MAGEA4: variants seen among roughly 807,000 people sequenced by gnomAD.
MAGEA4 encodes MAGE family member A4.
Under a neutral mutation model 13.7 loss-of-function variants are expected in MAGEA4, and 1 was observed. The observed-to-expected ratio is 0.07, with a 90% CI of 0.03 to 0.35. The LOEUF is 0.35. Ranked by LOEUF, MAGEA4 falls within the 10% of genes least tolerant of loss-of-function variation. MAGEA4 has a pLI of 0.99. For synonymous variants in MAGEA4, 132 were observed against 101.1 expected (o/e 1.31, Z -1.83); for missense variants, 312 against 245.1 (o/e 1.27, Z -1.82).
rs971803953 is a variant in MAGEA4 at position 151,920,029 on chromosome X, C to T, written c.-137-3424C>T. Among the ~76,000 whole-genome samples the T allele has an allele frequency of 3.1e-5, 3 of 96,360 alleles. No homozygotes were observed. In the South Asian group the frequency reaches 1.7e-3, roughly 56 times the overall value. The allele number at this position is 96,360 out of a possible 115,157, so 83.7% of individuals were successfully genotyped here. ...CCATCCACACTCCCAACCCCATCTA[C>T]ACCCTATCCCCCACCAGCACCCCTA... On this transcript the variant is annotated intron_variant, in intron 1 of 2. Transcript: ENST00000276344.
At chrX:151,917,989 C>A (rs1185066022) in intron 1 of MAGEA4, among the ~76,000 whole-genome samples, 2 of 81,556 alleles carry the variant, frequency 2.5e-5, no homozygotes, top group African/African-American at 4.7e-5. Flanking sequence ...ACTCCTAAAC[C>A]CATCCCCGCC....
chrX:151,919,589 C>A, intron 1 of MAGEA4: 1 of 726,124 alleles, frequency 1.4e-6, no homozygotes, highest in South Asian at 7.1e-5. Context: ...GCTTTCAACC[C>A]AAGAAAGCCG....
At position 151,924,712 on chromosome X, in the gene MAGEA4, T is replaced by C; in HGVS notation, c.*94T>C. 1 of 919,833 alleles carries C rather than the reference T, an allele frequency of 1.1e-6. No individual in the cohort carries two copies. Among genetic ancestry groups the C allele is most frequent in the Non-Finnish European group, 1.5e-6 (1 of 676,460 alleles). The allele number at this position is 919,833 out of a possible 1,213,427, so 75.8% of individuals were successfully genotyped here. A position where few individuals can be genotyped will look rare whatever the true frequency, so the allele number is the denominator to read the frequency against. On this transcript the variant is annotated 3_prime_UTR_variant, in exon 3 of 3. Transcript: ENST00000276344. ...GCAGCTTCCCTTGCCTCGTGTAACA[T>C]GAGGCCCATTCTTCACTCTGTTTGA...
At chrX:151,919,827 TTCTGAG>T (rs2124097889) in intron 1 of MAGEA4, 1 of 682,229 alleles carries the variant, frequency 1.5e-6, no homozygotes, top group Non-Finnish European at 1.7e-6. Flanking sequence ...GTGGGGGGAC[TTCTGAG>T]TCTGGGGCGC....
In MAGEA4 at chrX:151,923,869, G is replaced by A. The variant is rs1214107141; in HGVS notation, c.205G>A (p.Ala69Thr). ...AGGTCCTCCCCAGAGTCCTCAGGGA[G>A]CCTCTGCCTTACCCACTACCATCAG... ...SAGPPQSPQG[A>T]SALPTTISFT... The change falls in exon 3 of 3, where the codon GCC becomes ACC. Residue 69 changes from alanine to threonine, a missense_variant. Physicochemically the swap from Ala to Thr is moderately conservative, Grantham distance 58. Coordinates refer to ENST00000276344, the MANE Select transcript of MAGEA4 (RefSeq NM_001011548.1). The A allele has an allele frequency of 8.3e-7, 1 of 1,209,701 alleles. No individual in the cohort carries two copies. Among genetic ancestry groups the A allele is most frequent in the African/African-American group, 1.8e-5 (1 of 57,126 alleles).
At chrX:151,919,745 A>G in intron 1 of MAGEA4, 1 of 753,234 alleles carries the variant, frequency 1.3e-6, no homozygotes, top group South Asian at 6.8e-5. Context: ...GGGAGGACTC[A>G]GGAGGCCCCC....
rs776532944 is a variant in MAGEA4, at chrX:151,923,800, C to G, written c.136C>G (p.Leu46Val). The part of the protein sequence containing the change: ...QEAAVSSSSP[L>V]VPGTLEEVPA... ...GGCTGCTGTCTCCTCCTCCTCTCCTCTGGTCCCTGGCACCCTGGAGGAAGT... is the reference window on the plus strand; with the variant it reads ...GGCTGCTGTCTCCTCCTCCTCTCCTGTGGTCCCTGGCACCCTGGAGGAAGT... Residue 46 changes from leucine to valine, a missense_variant, in exon 3 of 3, where the codon CTG (leucine) becomes GTG (valine). Coordinates refer to ENST00000276344, the MANE Select transcript of MAGEA4 (RefSeq NM_001011548.1). 2 of 1,207,178 alleles carry G rather than the reference C, an allele frequency of 1.7e-6. No individual in the cohort carries two copies. Among genetic ancestry groups the G allele is most frequent in the Non-Finnish European group, 2.2e-6 (2 of 894,094 alleles).
At position 151,924,003 on chromosome X, in the gene MAGEA4, G is replaced by C; in HGVS notation, c.339G>C (p.Lys113Asn). Reference protein sequence around the residue: ...ESLFREALSNKVDELAHFLLR... With the variant: ...ESLFREALSNNVDELAHFLLR... ...TGTTCCGAGAAGCACTCAGTAACAA[G>C]GTGGATGAGTTGGCTCATTTTCTGC... Residue 113 changes from lysine (K) to asparagine (N), a missense_variant, in exon 3 of 3, where the codon AAG (lysine) becomes AAC (asparagine). Coordinates refer to ENST00000276344, the MANE Select transcript of MAGEA4 (RefSeq NM_001011548.1). 1 of 1,212,261 alleles carries C rather than the reference G, an allele frequency of 8.2e-7. No homozygotes were observed. Among genetic ancestry groups the C allele is most frequent in the Non-Finnish European group, 1.1e-6 (1 of 895,655 alleles).
In MAGEA4 at chrX:151,924,675, C is replaced by T. The variant is rs1234378697; in HGVS notation, c.*57C>T. The T allele has an allele frequency of 2.7e-6, 3 of 1,092,325 alleles. No homozygotes were observed. The highest frequency in any genetic ancestry group is 3.0e-5 in the Admixed American group (1 of 33,218). 90.0% of individuals were successfully genotyped at this position (1,092,325 alleles called of 1,213,427 possible). A position where few individuals can be genotyped will look rare whatever the true frequency, so the allele number is the denominator to read the frequency against. ...GGCAGGGCTGGGCCAGTGCATCTAA[C>T]AGCCCTGTGCAGCAGCTTCCCTTGC... On this transcript the variant is annotated 3_prime_UTR_variant, in exon 3 of 3. Coordinates refer to ENST00000276344, the MANE Select transcript of MAGEA4 (RefSeq NM_001011548.1).
chrX:151,921,069 G>T (rs1933413169), intron 1 of MAGEA4, among the ~76,000 whole-genome samples: 1 of 112,243 alleles, frequency 8.9e-6, no homozygotes, highest in South Asian at 3.7e-4. Flanking sequence ...GCCCTGCCAG[G>T]AATCAAAGTC....
chrX:151,923,553 G>A, intron 2 of MAGEA4, 29 bp downstream of exon 2: 1 of 1,209,203 alleles, frequency 8.3e-7, no homozygotes, highest in Non-Finnish European at 1.1e-6. Flanking sequence ...GAGCCTCTAA[G>A]ATTTGGTTCT....
chrX:151,921,755 A>G (rs950678477), intron 1 of MAGEA4, among the ~76,000 whole-genome samples: 1 of 111,903 alleles, frequency 8.9e-6, no homozygotes, highest in Non-Finnish European at 1.9e-5. Context: ...AGGGTTTGGT[A>G]TCATGAGCAG....
Position 151,919,764 on chromosome X carries a change from T to C in MAGEA4, c.-137-3689T>C, listed in dbSNP as rs185646236. The C allele has an allele frequency of 1.4e-4, 106 of 747,976 alleles. No homozygotes were observed. The African/African-American group carries it at 2.4e-3, about 17-fold the overall frequency. The allele number at this position is 747,976 out of a possible 1,213,427, so 61.6% of individuals were successfully genotyped here. A position where few individuals can be genotyped will look rare whatever the true frequency, so the allele number is the denominator to read the frequency against. On this transcript the variant is annotated intron_variant, in intron 1 of 2. Transcript: ENST00000276344. ...GGACTCAGGAGGCCCCCACCGCAGATAGACAATCCCAAATAATCCCGAACC... is the reference window on the plus strand; with the variant it reads ...GGACTCAGGAGGCCCCCACCGCAGACAGACAATCCCAAATAATCCCGAACC...
Position 151,924,752 on chromosome X carries a change from G to T in MAGEA4, c.*134G>T. 1.6e-6 allele frequency: 1 copy of T among 620,162 alleles called. No individual in the cohort carries two copies. The allele number at this position is 620,162 out of a possible 1,213,427, so 51.1% of individuals were successfully genotyped here. On this transcript the variant is annotated 3_prime_UTR_variant, in exon 3 of 3. Coordinates refer to ENST00000276344, the MANE Select transcript of MAGEA4 (RefSeq NM_001011548.1). ...ACTCTGTTTGAAGAAAATAGTCAGT[G>T]TTCTTAGTAGTGGGTTTCTATTTTG...
At chrX:151,922,595 A>G (rs1933498494) in intron 1 of MAGEA4, among the ~76,000 whole-genome samples, 1 of 111,790 alleles carries the variant, frequency 8.9e-6, no homozygotes, top group African/African-American at 3.3e-5. Context: ...CATCTGGTCT[A>G]CAGACACAGT....
Position 151,923,961 on chromosome X carries a change from G to A in MAGEA4, c.297G>A (p.Ser99=), listed in dbSNP as rs761277562. ...SSQEEEGPST[S]PDAESLFREA... ...AAGAAGAGGAGGGGCCAAGCACCTCGCCTGACGCAGAGTCCTTGTTCCGAG... is the reference window on the plus strand; with the variant it reads ...AAGAAGAGGAGGGGCCAAGCACCTCACCTGACGCAGAGTCCTTGTTCCGAG... Residue 99 remains serine (S), a synonymous_variant, in exon 3 of 3, where the codon TCG becomes TCA. Transcript: ENST00000276344. 6.6e-6 allele frequency: 8 copies of A among 1,209,965 alleles called. No homozygotes were observed. The Admixed American group carries it at 8.7e-5, about 13-fold the overall frequency.
rs758986419 is a variant in MAGEA4 at position 151,923,871 on chromosome X, C to T, written c.207C>T (p.Ala69=). Residue 69 remains alanine (A), a synonymous_variant, in exon 3 of 3, where the codon GCC becomes GCT. Transcript: ENST00000276344. The part of the protein sequence containing the change: ...SAGPPQSPQG[A]SALPTTISFT... ...GTCCTCCCCAGAGTCCTCAGGGAGC[C>T]TCTGCCTTACCCACTACCATCAGCT... The T allele has an allele frequency of 1.4e-4, 175 of 1,209,691 alleles. No individual in the cohort carries two copies. Among genetic ancestry groups the T allele is most frequent in the Admixed American group, 4.1e-4 (19 of 45,824 alleles).
chrX:151,923,641 C>A lies in MAGEA4; in HGVS notation c.-24C>A, dbSNP rs2124112763. 2 of 1,211,054 alleles carry A rather than the reference C, an allele frequency of 1.7e-6. No homozygotes were observed. The highest frequency in any genetic ancestry group is 3.5e-5 in the South Asian group (2 of 56,946). Reference sequence around the variant, plus strand: ...TGCCCAGCTTTTGCCTGCACTCTTGCCTGCTGCCCTGACCAGAGTCATCAT... The same window carrying A: ...TGCCCAGCTTTTGCCTGCACTCTTGACTGCTGCCCTGACCAGAGTCATCAT... On this transcript the variant is annotated 5_prime_UTR_variant, in exon 3 of 3. Coordinates refer to ENST00000276344, the MANE Select transcript of MAGEA4 (RefSeq NM_001011548.1).
In MAGEA4 at chrX:151,919,157, G is replaced by A. The variant is rs751910466; in HGVS notation, c.-137-4296G>A. ...GTGGGCTGACTTCTGAGTCTGGGGC[G>A]CCCTCCACCCCACTGCGTCTGAAGT... is the stretch of plus-strand genomic sequence containing the variant. On this transcript the variant is annotated intron_variant, in intron 1 of 2. Transcript: ENST00000276344. The A allele has an allele frequency of 5.1e-5, 28 of 549,905 alleles. No homozygotes were observed. The South Asian group carries it at 8.8e-4, about 17-fold the overall frequency. 45.3% of individuals were successfully genotyped at this position (549,905 alleles called of 1,213,427 possible).
Sources: allele counts gnomAD v4.1 joint callset (sites outside exome capture counted in the v4.1 genomes callset), GRCh38; gene constraint gnomAD v4.1.1; transcripts MANE v1.5; gene names NCBI Gene and HGNC (gene_info 2026-07-23, HGNC 2026-07-21).